ENAH: variants seen among roughly 807,000 people sequenced by gnomAD.
The protein encoded by ENAH is protein enabled homolog.
In ENAH, 23 loss-of-function variants were observed where a neutral mutation model predicts 78.7. The ratio of observed to expected loss-of-function variants is 0.29; its 90% confidence interval spans 0.21 to 0.41. The LOEUF (loss-of-function observed/expected upper bound fraction) is 0.41, where lower values mean the gene tolerates loss of function less well. ENAH is among the 10% of genes least tolerant of loss of function. The probability of loss-of-function intolerance (pLI) is 1.00; values close to 1 mark genes in which losing one functional copy is unlikely to be tolerated. For missense variants in ENAH, 544 were observed against 691.0 expected (o/e 0.79, Z 2.39); for synonymous variants, 226 against 241.0 (o/e 0.94, Z 0.58).
intron 1 of ENAH, among the ~76,000 whole-genome samples, chr1:225,623,630 G>C (rs1422540083): frequency 2.7e-5 from 4 of 150,246 alleles, no homozygotes; most frequent in African/African-American, 7.4e-5. Context: ...CTGTCGCCCA[G>C]GCTGGAGTGC....
intron 1 of ENAH, among the ~76,000 whole-genome samples, chr1:225,599,536 T>C (rs1239239496): frequency 6.6e-6 from 1 of 152,108 alleles, no homozygotes; most frequent in Non-Finnish European, 1.5e-5. Flanking sequence ...CTGGGTGCGG[T>C]GGCTCACACC....
intron 1 of ENAH, among the ~76,000 whole-genome samples, chr1:225,600,491 C>CA (rs1247018611): frequency 1.3e-5 from 2 of 151,860 alleles, no homozygotes; most frequent in African/African-American, 2.4e-5. Context: ...CATTTAATGG[C>CA]AAAAAACGCA....
At chr1:225,631,005 G>A (rs114071069) in intron 1 of ENAH, among the ~76,000 whole-genome samples, 1 of 152,048 alleles carries the variant, frequency 6.6e-6, no homozygotes, top group Non-Finnish European at 1.5e-5. Flanking sequence ...AGACTTCACC[G>A]ACCTTAAATA....
chr1:225,572,354 T>C (rs1575574645), intron 1 of ENAH, among the ~76,000 whole-genome samples: 1 of 152,184 alleles, frequency 6.6e-6, no homozygotes, highest in African/African-American at 2.4e-5. Flanking sequence ...GCCAATATTT[T>C]GCCCTACTTG....
intron 1 of ENAH, among the ~76,000 whole-genome samples, chr1:225,650,241 C>T (rs1419335420): frequency 1.3e-5 from 2 of 152,162 alleles, no homozygotes; most frequent in African/African-American, 2.4e-5. Flanking sequence ...TCAAAATTAG[C>T]CTACGAAGAA....
At chr1:225,501,896 C>CT (rs2096284291) in intron 11 of ENAH, among the ~76,000 whole-genome samples, 1 of 152,138 alleles carries the variant, frequency 6.6e-6, no homozygotes, top group Non-Finnish European at 1.5e-5. Flanking sequence ...AGTCATGGCG[C>CT]CCTCTCCAAG....
At position 225,496,209 on chromosome 1, in the gene ENAH, C is replaced by T. The variant is rs1356719177; in HGVS notation, c.*1566G>A. On this transcript the variant is annotated 3_prime_UTR_variant, in exon 14 of 14. Transcript: ENST00000366843. ...TATCATTCCAACATGTAGGATTTCT[C>T]CCCTATTTTAACCTTACCAGTTTCA... 1 of 152,520 alleles carries T rather than the reference C, an allele frequency of 6.6e-6. No homozygotes were observed. Among genetic ancestry groups the T allele is most frequent in the Non-Finnish European group, 1.5e-5 (1 of 68,038 alleles). The allele number at this position is 152,520 out of a possible 1,614,324, so 9.4% of individuals were successfully genotyped here.
At chr1:225,519,160 C>G in intron 5 of ENAH, 38 bp downstream of exon 5, 1 of 1,598,772 alleles carries the variant, frequency 6.3e-7, no homozygotes, top group South Asian at 1.1e-5. Context: ...CATCCAAGCT[C>G]AGATACAAGA....
chr1:225,498,490 G>T, intron 12 of ENAH, 86 bp from the exon 13 acceptor site: 2 of 788,006 alleles, frequency 2.5e-6, no homozygotes, highest in South Asian at 1.8e-5. Context: ...AGAATGTCAT[G>T]AAATATGATG....
At chr1:225,559,687 C>T (rs748468473) in intron 2 of ENAH, among the ~76,000 whole-genome samples, 11 of 152,110 alleles carry the variant, frequency 7.2e-5, no homozygotes, top group Non-Finnish European at 1.5e-4. Flanking sequence ...CCAGCAATAT[C>T]CCACAACTCA....
intron 1 of ENAH, among the ~76,000 whole-genome samples, chr1:225,573,919 G>A (rs904159668): frequency 6.6e-6 from 1 of 152,148 alleles, no homozygotes; most frequent in Non-Finnish European, 1.5e-5. Context: ...GTGCAGCACA[G>A]AGCCTAGTCT....
At chr1:225,632,145 T>C (rs1032106738) in intron 1 of ENAH, among the ~76,000 whole-genome samples, 7 of 152,186 alleles carry the variant, frequency 4.6e-5, no homozygotes, top group African/African-American at 1.7e-4. Context: ...TTTGAGAATG[T>C]TAAATGGCTG....
At chr1:225,651,727 C>T (rs1435697886) in intron 1 of ENAH, among the ~76,000 whole-genome samples, 1 of 152,082 alleles carries the variant, frequency 6.6e-6, no homozygotes, top group Non-Finnish European at 1.5e-5. Context: ...CCATTTCACA[C>T]GAAGTCTTGC....
At chr1:225,599,669 G>A (rs1320013160) in intron 1 of ENAH, among the ~76,000 whole-genome samples, 3 of 151,838 alleles carry the variant, frequency 2.0e-5, no homozygotes, top group Non-Finnish European at 2.9e-5. Flanking sequence ...TTAGCCAGGC[G>A]CCTGTAATCC....
At chr1:225,650,286 T>C (rs781518086) in intron 1 of ENAH, among the ~76,000 whole-genome samples, 17 of 152,360 alleles carry the variant, frequency 1.1e-4, no homozygotes, top group African/African-American at 1.4e-4. Context: ...TTTTCAGACC[T>C]GTGTACCAAG....
Position 225,487,931 on chromosome 1 carries a change from T to C in ENAH, c.*9844A>G, listed in dbSNP as rs2096206709. ...TACTATATACTTTTGGTCTATCAAC[T>C]TGGTAGGCCTGAAAAAAAAAAGTAT... is the stretch of plus-strand genomic sequence containing the variant. On this transcript the variant is annotated 3_prime_UTR_variant, in exon 14 of 14. Coordinates refer to ENST00000366843, the MANE Select transcript of ENAH (RefSeq NM_018212.6). 6.6e-6 allele frequency: 1 copy of C among 152,134 alleles called. No homozygotes were observed. Among genetic ancestry groups the C allele is most frequent in the African/African-American group, 2.4e-5 (1 of 41,434 alleles). 9.4% of individuals were successfully genotyped at this position (152,134 alleles called of 1,614,324 possible). A position where few individuals can be genotyped will look rare whatever the true frequency, so the allele number is the denominator to read the frequency against.
In ENAH at chr1:225,586,241, C is replaced by CAAAAAAAA. The variant is rs34817622; in HGVS notation, c.6-18835_6-18828dup. Among the ~76,000 whole-genome samples the CAAAAAAAA allele has an allele frequency of 2.6e-3, 258 of 100,568 alleles. 1 individual carries two copies. Among genetic ancestry groups the CAAAAAAAA allele is most frequent in the Non-Finnish European group, 3.9e-3 (209 of 53,524 alleles). The allele number at this position is 100,568 out of a possible 152,430, so 66.0% of individuals were successfully genotyped here. A position where few individuals can be genotyped will look rare whatever the true frequency, so the allele number is the denominator to read the frequency against. The stretch of plus-strand genomic sequence containing the variant: ...TGCACTCCAGCCTGGGAGACAAGCT[C>CAAAAAAAA]AAAAAAAAAAAAAAAAAGGAAGAAA... On this transcript the variant is annotated intron_variant, in intron 1 of 13. Coordinates refer to ENST00000366843, the MANE Select transcript of ENAH (RefSeq NM_018212.6).
In ENAH at chr1:225,487,885, AT is replaced by A. The variant is rs959035274; in HGVS notation, c.*9889del. ...TGGACCATAAGAAATTCACTTTTAA[AT>A]TTTTTCTACTGTGCTGTTCTACTAT... On this transcript the variant is annotated 3_prime_UTR_variant, in exon 14 of 14. Transcript: ENST00000366843. 6.6e-6 allele frequency: 1 copy of A among 152,064 alleles called. No individual in the cohort carries two copies. Among genetic ancestry groups the A allele is most frequent in the African/African-American group, 2.4e-5 (1 of 41,396 alleles). 9.4% of individuals were successfully genotyped at this position (152,064 alleles called of 1,614,324 possible). A position where few individuals can be genotyped will look rare whatever the true frequency, so the allele number is the denominator to read the frequency against.
At chr1:225,625,254 T>G (rs1657738374) in intron 1 of ENAH, among the ~76,000 whole-genome samples, 1 of 152,170 alleles carries the variant, frequency 6.6e-6, no homozygotes, top group Non-Finnish European at 1.5e-5. Flanking sequence ...AAAGTTAATT[T>G]TCTTAAATTC....
Sources: gnomAD v4.1 joint callset for allele counts (sites outside exome capture counted in the v4.1 genomes callset) on GRCh38, gnomAD v4.1.1 for gene constraint, MANE v1.5 for transcripts, NCBI Gene and HGNC (gene_info 2026-07-23, HGNC 2026-07-21) for gene names.